MED24: variants seen among roughly 807,000 people sequenced by gnomAD.
MED24 encodes mediator complex subunit 24.
In MED24, 74 loss-of-function variants were observed where a neutral mutation model predicts 118.8. The observed-to-expected ratio is 0.62, with a 90% CI of 0.52 to 0.76. The LOEUF is 0.76. MED24 is among the 30% of genes least tolerant of loss of function. The probability of loss-of-function intolerance (pLI) is 0.00; values close to 1 mark genes in which losing one functional copy is unlikely to be tolerated. For synonymous variants in MED24, 521 were observed against 523.9 expected (o/e 0.99, Z 0.08); for missense variants, 1,041 against 1,278.9 (o/e 0.81, Z 2.84).
chr17:40,027,977 C>A, intron 14 of MED24, 31 bp from the exon 15 acceptor site: 1 of 1,612,364 alleles, frequency 6.2e-7, no homozygotes, highest in Non-Finnish European at 8.5e-7. Context: ...CTGCATTGAC[C>A]AGGGCATGAG....
chr17:40,042,042 C>A (rs981479876), intron 3 of MED24, among the ~76,000 whole-genome samples: 9 of 152,186 alleles, frequency 5.9e-5, no homozygotes, highest in Admixed American at 5.2e-4. Context: ...GCTGAAAATA[C>A]TTACTATCTG....
At chr17:40,046,349 TC>T (rs142239588) in intron 3 of MED24, among the ~76,000 whole-genome samples, 148,630 of 148,652 alleles carry the variant, frequency 1, 74,304 homozygotes, top group Middle Eastern at 1. Context: ...CTCCCAAAGT[TC>T]CTGGGATTAC....
intron 3 of MED24, among the ~76,000 whole-genome samples, chr17:40,041,307 T>C (rs1984541278): frequency 6.6e-6 from 1 of 152,200 alleles, no homozygotes; most frequent in Admixed American, 6.6e-5. Flanking sequence ...TTTTCTTCCC[T>C]ACTCTCTGGC....
intron 6 of MED24, among the ~76,000 whole-genome samples, chr17:40,034,275 G>A (rs1983700865): frequency 6.6e-6 from 1 of 152,208 alleles, no homozygotes; most frequent in Admixed American, 6.5e-5. Flanking sequence ...AGGTAGGGAA[G>A]AGGCTGTCAA....
chr17:40,035,185 C>T lies in MED24; in HGVS notation c.491G>A (p.Arg164His), dbSNP rs946309583. Residue 164 changes from arginine (R) to histidine (H), a missense_variant, in exon 6 of 26, where the codon CGC becomes CAC. This residue lies in a region of MED24 where 434 missense variants were observed against 514.9 expected (regional missense o/e 0.84). Coordinates refer to ENST00000394128, the MANE Select transcript of MED24 (RefSeq NM_014815.4). ...GGTGCTGCTGAGGGTTTTCTCCAGG[C>T]GCTGAAGGCACATGGCAAGCTGCTT... ...GEKQLAMCLQ[R>H]LEKTLSSTKN... The T allele has an allele frequency of 3.1e-6, 5 of 1,614,102 alleles. No individual in the cohort carries two copies. The highest frequency in any genetic ancestry group is 4.2e-6 in the Non-Finnish European group (5 of 1,180,024).
At chr17:40,036,194 C>T in intron 3 of MED24, 40 bp from the exon 4 acceptor site, 1 of 1,578,360 alleles carries the variant, frequency 6.3e-7, no homozygotes, top group Non-Finnish European at 8.7e-7. Flanking sequence ...GACAACTAGT[C>T]TCCCACAGTT....
intron 9 of MED24, 113 bp from the exon 10 acceptor site, chr17:40,032,203 T>A: frequency 8.1e-7 from 1 of 1,241,578 alleles, no homozygotes; most frequent in Non-Finnish European, 1.2e-6. Flanking sequence ...GGAACACTCC[T>A]ACCCTGGGAG....
intron 6 of MED24, chr17:40,034,852 C>CGGGGGGGGGGG: frequency 2.6e-6 from 1 of 386,866 alleles, no homozygotes. Flanking sequence ...CCTTTGGTAG[C>CGGGGGGGGGGG]CCCCCACCCC....
At chr17:40,029,297 T>G (rs1333949908) in intron 13 of MED24, among the ~76,000 whole-genome samples, 1 of 152,120 alleles carries the variant, frequency 6.6e-6, no homozygotes, top group Non-Finnish European at 1.5e-5. Flanking sequence ...CCCCCAGGGT[T>G]CAGCGATTCT....
Position 40,027,390 on chromosome 17 carries a change from C to T in MED24, c.1523G>A (p.Gly508Asp), listed in dbSNP as rs191684194. The T allele has an allele frequency of 1.1e-5, 18 of 1,613,572 alleles. No individual in the cohort carries two copies. Among genetic ancestry groups the T allele is most frequent in the African/African-American group, 2.7e-5 (2 of 75,046 alleles). The change falls in exon 16 of 26, where the codon GGT (glycine) becomes GAT (aspartate). Residue 508 changes from glycine to aspartate, a missense_variant. Coordinates refer to ENST00000394128, the MANE Select transcript of MED24 (RefSeq NM_014815.4). ...GTCGCTCCCCTCTCTCACCTCTGAA[C>T]CATAGGTCTGGGCCACATGGCACAG... ...LMLCHVAQTY[G>D]SEVILSESRT... is the part of the protein sequence containing the mutation.
chr17:40,019,682 T>C (rs780809296), intron 25 of MED24, 37 bp from the exon 26 acceptor site: 8 of 1,579,926 alleles, frequency 5.1e-6, no homozygotes, highest in Non-Finnish European at 6.9e-6. Flanking sequence ...GCGGGACGGC[T>C]GGTGGTGGGT....
intron 18 of MED24, 64 bp downstream of exon 18, chr17:40,026,583 A>T: frequency 6.9e-7 from 1 of 1,450,366 alleles, no homozygotes; most frequent in Non-Finnish European, 9.5e-7. Flanking sequence ...ACGAAATATA[A>T]CAAGTCATCA....
intron 22 of MED24, 140 bp from the exon 23 acceptor site, chr17:40,022,194 C>G: frequency 1.1e-6 from 1 of 894,024 alleles, no homozygotes; most frequent in Non-Finnish European, 1.7e-6. Context: ...ACCCCTCCCA[C>G]AATCTGACAG....
intron 3 of MED24, among the ~76,000 whole-genome samples, chr17:40,038,568 G>A (rs971774336): frequency 9.2e-5 from 14 of 151,996 alleles, no homozygotes; most frequent in East Asian, 1.9e-4. Flanking sequence ...AAAACTAGCC[G>A]GGCGTGGTGG....
In MED24 at chr17:40,035,158, T is replaced by G; in HGVS notation, c.518A>C (p.Lys173Thr). Reference sequence around the variant, plus strand: ...GGCGATGTGCAGCAGGGCCCGGTTCTTGGTGCTGCTGAGGGTTTTCTCCAG... The same window carrying G: ...GGCGATGTGCAGCAGGGCCCGGTTCGTGGTGCTGCTGAGGGTTTTCTCCAG... The part of the protein sequence containing the change: ...QRLEKTLSST[K>T]NRALLHIAKL... Residue 173 changes from lysine (K) to threonine (T), a missense_variant, in exon 6 of 26, where the codon AAG becomes ACG. Around this residue, in one of 3 missense-constraint regions of MED24, gnomAD observed 434 missense variants for 514.9 expected, o/e 0.84. Transcript: ENST00000394128. 1 of 1,614,136 alleles carries G rather than the reference T, an allele frequency of 6.2e-7. No individual in the cohort carries two copies. Among genetic ancestry groups the G allele is most frequent in the Non-Finnish European group, 8.5e-7 (1 of 1,180,018 alleles).
At position 40,023,279 on chromosome 17, in the gene MED24, A is replaced by G. The variant is rs1301581205; in HGVS notation, c.2102T>C (p.Leu701Pro). 9.3e-6 allele frequency: 15 copies of G among 1,614,146 alleles called. No homozygotes were observed. Among genetic ancestry groups the G allele is most frequent in the Non-Finnish European group, 1.3e-5 (15 of 1,180,022 alleles). The change falls in exon 20 of 26, where the codon CTG becomes CCG. Residue 701 changes from leucine to proline, a missense_variant. Transcript: ENST00000394128. ...CTCTTTGATGGGCCGCTTGGGGGGCAGCAGGTTCCAGTAGGGCATTGTGTC... is the reference window on the plus strand; with the variant it reads ...CTCTTTGATGGGCCGCTTGGGGGGCGGCAGGTTCCAGTAGGGCATTGTGTC... ...GVDTMPYWNL[L>P]PPKRPIKEVL...
chr17:40,020,118 G>T, intron 24 of MED24, 155 bp downstream of exon 24: 1 of 1,009,608 alleles, frequency 9.9e-7, no homozygotes, highest in Non-Finnish European at 1.5e-6. Flanking sequence ...CTAGACAGGA[G>T]CCTGGGGGCC....
At chr17:40,023,549 C>T (rs1055065613) in intron 19 of MED24, 154 bp from the exon 20 acceptor site, 15 of 699,212 alleles carry the variant, frequency 2.1e-5, no homozygotes, top group African/African-American at 5.4e-5. Context: ...CGGTATACCC[C>T]GGGGTGACCT....
chr17:40,027,627 C>G (rs1038643601), intron 15 of MED24, 162 bp from the exon 16 acceptor site: 9 of 723,502 alleles, frequency 1.2e-5, no homozygotes, highest in Admixed American at 2.8e-5. Context: ...ACTGGAACAT[C>G]ATCCCTTCCT....
Sources: allele counts gnomAD v4.1 joint callset (sites outside exome capture counted in the v4.1 genomes callset), GRCh38; gene constraint gnomAD v4.1.1; regional missense constraint gnomAD v4.1.1; transcripts MANE v1.5; gene names NCBI Gene and HGNC (gene_info 2026-07-23, HGNC 2026-07-21).